The following CFAP206 variants were observed in gnomAD, a reference collection of about 807,000 sequenced individuals.
CFAP206 encodes cilia and flagella associated protein 206, also known as cilia- and flagella-associated protein 206.
Under a neutral mutation model 65.4 loss-of-function variants are expected in CFAP206, and 53 were observed. The observed-to-expected ratio is 0.81, with a 90% confidence interval of 0.65 to 1.02. CFAP206 has a LOEUF of 1.02. Ranked by LOEUF, CFAP206 falls within the 50% of genes least tolerant of loss-of-function variation. CFAP206 has a pLI of 0.00. For synonymous variants in CFAP206, 250 were observed against 254.4 expected, an observed-to-expected ratio of 0.98 and a Z score of 0.17; for missense variants, 663 against 753.2, an observed-to-expected ratio of 0.88 and a Z score of 1.40.
chr6:87,449,532 G>A (rs1562009503), intron 11 of CFAP206, among the ~76,000 whole-genome samples: 1 of 151,490 alleles, frequency 6.6e-6, no homozygotes, highest in African/African-American at 2.4e-5. Context: ...CATTTTAACT[G>A]GAATGAGATG....
chr6:87,451,206 C>T (rs989732536), intron 11 of CFAP206, among the ~76,000 whole-genome samples: 1 of 152,188 alleles, frequency 6.6e-6, no homozygotes. Context: ...CAGTGAGACA[C>T]CAGCTACGGT....
chr6:87,452,254 T>A lies in CFAP206; in HGVS notation c.1495-8768T>A, dbSNP rs1439305870. Among the ~76,000 whole-genome samples, 6 of 152,366 alleles carry A rather than the reference T, an allele frequency of 3.9e-5. No homozygotes were observed. In the South Asian group the frequency reaches 1.2e-3, roughly 32 times the overall value. On this transcript the variant is annotated intron_variant, in intron 11 of 12. Coordinates refer to ENST00000369562, the MANE Select transcript of CFAP206 (RefSeq NM_001031743.3). ...TGCGAGTCTGCAACGGTCACAGTGT[T>A]ACTGGGCTTGGGGTGCCCCCTAATA...
chr6:87,451,832 A>G (rs140991715), intron 11 of CFAP206, among the ~76,000 whole-genome samples: 2,341 of 151,336 alleles, frequency 0.015, 57 homozygotes, highest in African/African-American at 0.053. Context: ...AGATAGTGCC[A>G]CTGCACTCCA....
At chr6:87,418,170 T>C in intron 6 of CFAP206, 38 bp from the exon 7 acceptor site, 1 of 1,579,644 alleles carries the variant, frequency 6.3e-7, no homozygotes, top group Non-Finnish European at 8.7e-7. Context: ...TTGTTTTTAG[T>C]CTCCTTTATG....
chr6:87,428,703 A>G lies in CFAP206; in HGVS notation c.1038A>G (p.Leu346=). ...ETIVVGVLSN[L]FTHIQPFLGA... ...TTGTGGTTGGTGTCCTCAGTAATTT[A>G]TTCACTCACATTCAGCCATTCTTGG... Residue 346 remains leucine (L), a synonymous_variant, in exon 9 of 13, where the codon TTA becomes TTG. Transcript: ENST00000369562. 6.2e-7 allele frequency: 1 copy of G among 1,614,090 alleles called. No individual in the cohort carries two copies. Among genetic ancestry groups the G allele is most frequent in the Non-Finnish European group, 8.5e-7 (1 of 1,180,006 alleles).
At position 87,426,623 on chromosome 6, in the gene CFAP206, C is replaced by G; in HGVS notation, c.938C>G (p.Ala313Gly). The G allele has an allele frequency of 6.3e-7, 1 of 1,588,490 alleles. No individual in the cohort carries two copies. The highest frequency in any genetic ancestry group is 8.6e-7 in the Non-Finnish European group (1 of 1,167,346). Residue 313 changes from alanine (A) to glycine (G), a missense_variant, in exon 8 of 13, where the codon GCG (alanine) becomes GGG (glycine). Ala to Gly is a moderately conservative substitution (Grantham distance 60, BLOSUM62 0). Transcript: ENST00000369562. ...AAAATGACCATAAAATCAAAGATAGCGGTCCCAACATCACAAGTCTTTGTA... is the reference window on the plus strand; with the variant it reads ...AAAATGACCATAAAATCAAAGATAGGGGTCCCAACATCACAAGTCTTTGTA... ...QLKMTIKSKI[A>G]VPTSQVFPIF...
intron 11 of CFAP206, among the ~76,000 whole-genome samples, chr6:87,459,022 GAGTTCCT>G (rs1768698363): frequency 1.3e-5 from 2 of 151,986 alleles, no homozygotes. Context: ...TCAAATTGTA[GAGTTCCT>G]GGAGCTGATA....
chr6:87,462,718 G>A (rs1471415626), intron 12 of CFAP206, among the ~76,000 whole-genome samples: 1 of 152,150 alleles, frequency 6.6e-6, no homozygotes, highest in East Asian at 1.9e-4. Flanking sequence ...GAAATGTTAA[G>A]AGAATGGGGT....
intron 3 of CFAP206, among the ~76,000 whole-genome samples, chr6:87,411,134 G>A (rs1384332002): frequency 6.6e-6 from 1 of 152,184 alleles, no homozygotes; most frequent in Non-Finnish European, 1.5e-5. Context: ...TAGTAAGGAA[G>A]GAAGGGCAGG....
intron 11 of CFAP206, 65 bp from the exon 12 acceptor site, chr6:87,460,956 AT>A: frequency 7.2e-7 from 1 of 1,384,966 alleles, no homozygotes; most frequent in Non-Finnish European, 9.7e-7. Flanking sequence ...TTAGCTAAAT[AT>A]TTTAGTTATC....
rs764844935 is a variant in CFAP206 at position 87,409,957 on chromosome 6, A to C, written c.108+10A>C. 4.4e-6 allele frequency: 7 copies of C among 1,574,750 alleles called. No individual in the cohort carries two copies. The South Asian group carries it at 7.9e-5, about 18-fold the overall frequency. On this transcript the variant is annotated intron_variant, in intron 2 of 12. Coordinates refer to ENST00000369562, the MANE Select transcript of CFAP206 (RefSeq NM_001031743.3). The stretch of plus-strand genomic sequence containing the variant: ...TCTGATTGCTTTTATGGTAAGAAGA[A>C]ATATTTTTGTGATTACTGTTTTATT...
At chr6:87,417,553 C>CTTTT (rs11394813) in intron 6 of CFAP206, among the ~76,000 whole-genome samples, 4,221 of 132,756 alleles carry the variant, frequency 0.032, 71 homozygotes, top group Middle Eastern at 0.055. Context: ...ACAAACGTTC[C>CTTTT]TTTTTTTTTT....
chr6:87,426,877 C>A (rs1260468200), intron 8 of CFAP206, among the ~76,000 whole-genome samples: 3 of 152,146 alleles, frequency 2.0e-5, no homozygotes, highest in Admixed American at 6.5e-5. Context: ...AGTATGATAA[C>A]CATATCAGTA....
chr6:87,452,774 C>T (rs909930527), intron 11 of CFAP206, among the ~76,000 whole-genome samples: 9 of 151,764 alleles, frequency 5.9e-5, no homozygotes, highest in African/African-American at 9.7e-5. Flanking sequence ...TTTGAAAATA[C>T]ATAGTCAGAG....
rs1767817456 is a variant in CFAP206, at chr6:87,415,748, A to G, written c.346A>G (p.Ile116Val). Reference protein sequence around the residue: ...ESRLGSVTREITDNRACAKEE... With the variant: ...ESRLGSVTREVTDNRACAKEE... ...TAGATTAGGCTCTGTTACCCGAGAA[A>G]TTACAGATAACAGAGCATGTGCTAA... The change falls in exon 5 of 13, where the codon ATT becomes GTT. Residue 116 changes from isoleucine (I) to valine (V), a missense_variant. By Grantham distance (29) the Ile-to-Val change is conservative. Transcript: ENST00000369562. The G allele has an allele frequency of 1.9e-6, 3 of 1,612,954 alleles. No individual in the cohort carries two copies.
intron 11 of CFAP206, among the ~76,000 whole-genome samples, chr6:87,436,968 T>C (rs1359731396): frequency 1.3e-5 from 2 of 152,150 alleles, no homozygotes; most frequent in Non-Finnish European, 2.9e-5. Flanking sequence ...ATGGTACTTA[T>C]TATTGTTTGT....
In CFAP206 at chr6:87,464,047, T is replaced by C; in HGVS notation, c.1666T>C (p.Ser556Pro). 1 of 1,612,828 alleles carries C rather than the reference T, an allele frequency of 6.2e-7. No individual in the cohort carries two copies. Among genetic ancestry groups the C allele is most frequent in the Non-Finnish European group, 8.5e-7 (1 of 1,179,108 alleles). ...TAATTTGCGCCAGAAAGTTACTCAC[T>C]CAGTACAAACTGATCTTAGTCACTT... The part of the protein sequence containing the change: ...LANLRQKVTH[S>P]VQTDLSHLRR... The change falls in exon 13 of 13, where the codon TCA becomes CCA. Residue 556 changes from serine (S) to proline (P), a missense_variant. Ser to Pro is a moderately conservative substitution (Grantham distance 74, BLOSUM62 -1). Transcript: ENST00000369562.
intron 10 of CFAP206, among the ~76,000 whole-genome samples, chr6:87,434,458 T>A (rs1261429652): frequency 6.6e-6 from 1 of 150,834 alleles, no homozygotes; most frequent in African/African-American, 2.4e-5. Context: ...AATGGCTCTA[T>A]GGTATGTTAC....
chr6:87,455,968 AAAAAGTAG>A (rs1768633999), intron 11 of CFAP206, among the ~76,000 whole-genome samples: 1 of 152,220 alleles, frequency 6.6e-6, no homozygotes, highest in Non-Finnish European at 1.5e-5. Context: ...AAACTCTTTC[AAAAAGTAG>A]AGGAAGAGGG....
Sources: gnomAD v4.1 joint callset for allele counts (sites outside exome capture counted in the v4.1 genomes callset) on GRCh38, gnomAD v4.1.1 for gene constraint, MANE v1.5 for transcripts, NCBI Gene and HGNC (gene_info 2026-07-23, HGNC 2026-07-21) for gene names.